TMEM132C: variants seen among roughly 807,000 people sequenced by gnomAD.
TMEM132C encodes transmembrane protein 132C.
Under a neutral mutation model 61.4 loss-of-function variants are expected in TMEM132C, and 29 were observed. The ratio of observed to expected loss-of-function variants is 0.47; its 90% confidence interval spans 0.35 to 0.64. TMEM132C has a LOEUF of 0.64. Among genes scored for constraint, TMEM132C ranks in the 30% least tolerant of loss-of-function variants. The probability of loss-of-function intolerance (pLI) is 0.00; values close to 1 mark genes in which losing one functional copy is unlikely to be tolerated. For missense variants in TMEM132C, 1,408 were observed against 1,476.9 expected, an observed-to-expected ratio of 0.95 and a Z score of 0.76; for synonymous variants, 656 against 633.1, an observed-to-expected ratio of 1.04 and a Z score of -0.54.
At chr12:128,284,594 A>C (rs556264399) in intron 1 of TMEM132C, among the ~76,000 whole-genome samples, 4 of 152,328 alleles carry the variant, frequency 2.6e-5, no homozygotes, top group Admixed American at 1.3e-4. Flanking sequence ...TCCTGTAAGA[A>C]ATAATGGTGA....
At chr12:128,476,046 T>C (rs10847626) in intron 2 of TMEM132C, among the ~76,000 whole-genome samples, 39,813 of 152,114 alleles carry the variant, frequency 0.26, 7,060 homozygotes, top group African/African-American at 0.5. Context: ...TTCTGGGCCC[T>C]AGGACGTGAG....
At chr12:128,647,470 G>A (rs1179657321) in intron 4 of TMEM132C, among the ~76,000 whole-genome samples, 1 of 151,370 alleles carries the variant, frequency 6.6e-6, no homozygotes, top group East Asian at 2.0e-4. Flanking sequence ...GAGTCCATCA[G>A]CATTGGATAT....
At chr12:128,567,474 AC>A (rs1426795168) in intron 3 of TMEM132C, among the ~76,000 whole-genome samples, 2 of 146,726 alleles carry the variant, frequency 1.4e-5, no homozygotes, top group East Asian at 2.0e-4. Flanking sequence ...ACACACACAC[AC>A]AACTGGTAAC....
chr12:128,578,868 G>A (rs1875224449), intron 3 of TMEM132C, among the ~76,000 whole-genome samples: 1 of 152,160 alleles, frequency 6.6e-6, no homozygotes, highest in Non-Finnish European at 1.5e-5. Flanking sequence ...AAAGTGCTGG[G>A]ATTAGAGGCG....
intron 2 of TMEM132C, among the ~76,000 whole-genome samples, chr12:128,534,503 A>G (rs1253055445): frequency 6.6e-6 from 1 of 152,230 alleles, no homozygotes; most frequent in Non-Finnish European, 1.5e-5. Flanking sequence ...GAAGAAAGAA[A>G]AGCACACCTG....
rs566969465 is a variant in TMEM132C at position 128,463,019 on chromosome 12, G to A, written c.974+47399G>A. Among the ~76,000 whole-genome samples the A allele has an allele frequency of 8.5e-5, 13 of 152,298 alleles. No homozygotes were observed. The East Asian group carries it at 2.3e-3, about 27-fold the overall frequency. On this transcript the variant is annotated intron_variant, in intron 2 of 8. Coordinates refer to ENST00000435159, the MANE Select transcript of TMEM132C (RefSeq NM_001136103.3). ...TGCACTTGGTGTCTGGCTCGTGGCT[G>A]CAGACGGCTGCTACAGACTCCAAGC...
intron 1 of TMEM132C, among the ~76,000 whole-genome samples, chr12:128,378,576 G>A (rs1343199758): frequency 6.6e-6 from 1 of 152,148 alleles, no homozygotes; most frequent in African/African-American, 2.4e-5. Flanking sequence ...AGCACTAATT[G>A]GCACTTTTAC....
intron 1 of TMEM132C, among the ~76,000 whole-genome samples, chr12:128,298,785 A>C (rs759902980): frequency 1.3e-5 from 2 of 152,156 alleles, no homozygotes; most frequent in Non-Finnish European, 2.9e-5. Flanking sequence ...TCTTTGGGGG[A>C]ATGTTTTTCC....
chr12:128,635,637 C>T (rs910876714), intron 4 of TMEM132C, among the ~76,000 whole-genome samples: 2 of 152,120 alleles, frequency 1.3e-5, no homozygotes, highest in African/African-American at 2.4e-5. Flanking sequence ...ACATGAGCCC[C>T]TGAAACAGAT....
intron 2 of TMEM132C, among the ~76,000 whole-genome samples, chr12:128,528,899 T>A (rs926400900): frequency 6.6e-6 from 1 of 152,132 alleles, no homozygotes; most frequent in Non-Finnish European, 1.5e-5. Flanking sequence ...GACAGACAGA[T>A]TTCCCTGCTC....
rs530002665 is a variant in TMEM132C, at chr12:128,703,361, A to G, written c.2122-1729A>G. On this transcript the variant is annotated intron_variant, in intron 8 of 8. Coordinates refer to ENST00000435159, the MANE Select transcript of TMEM132C (RefSeq NM_001136103.3). ...CCCCTCTATCTGTCCATGTGTTCTC[A>G]TCATTTAGCTCCCACTTAGAAGTGA... Among the ~76,000 whole-genome samples the G allele has an allele frequency of 5.3e-5, 8 of 152,224 alleles. 1 individual carries two copies. In the South Asian group the frequency reaches 1.7e-3, roughly 32 times the overall value.
intron 1 of TMEM132C, among the ~76,000 whole-genome samples, chr12:128,411,801 C>T (rs1424053273): frequency 6.6e-6 from 1 of 152,176 alleles, no homozygotes; most frequent in Non-Finnish European, 1.5e-5. Flanking sequence ...ATTTCTTTAT[C>T]TGAATATATA....
At position 128,664,754 on chromosome 12, in the gene TMEM132C, G is replaced by A. The variant is rs143724042; in HGVS notation, c.1306-4663G>A. ...CTAAGCAGCAGCATAAAGGGAAGCG[G>A]CATCCACCGCCAGCCAGCCATGCAC... On this transcript the variant is annotated intron_variant, in intron 4 of 8. Coordinates refer to ENST00000435159, the MANE Select transcript of TMEM132C (RefSeq NM_001136103.3). 6.9e-3 allele frequency among the ~76,000 whole-genome samples: 1,049 copies of A among 152,360 alleles called. 9 individuals are homozygous for A. Among genetic ancestry groups the A allele is most frequent in the Middle Eastern group, 0.02 (6 of 294 alleles).
chr12:128,615,710 GCTGTGCAGC>G (rs1325695609), intron 3 of TMEM132C, among the ~76,000 whole-genome samples: 1 of 152,170 alleles, frequency 6.6e-6, no homozygotes, highest in Admixed American at 6.5e-5. Flanking sequence ...CTCACCTCCT[GCTGTGCAGC>G]CCTATTCCTA....
At chr12:128,427,828 T>C (rs2136035023) in intron 2 of TMEM132C, among the ~76,000 whole-genome samples, 2 of 152,350 alleles carry the variant, frequency 1.3e-5, no homozygotes, top group South Asian at 4.1e-4. Context: ...CCAGTGCCCA[T>C]TGTCATTTTG....
At chr12:128,411,450 G>A (rs1208974434) in intron 1 of TMEM132C, among the ~76,000 whole-genome samples, 1 of 152,092 alleles carries the variant, frequency 6.6e-6, no homozygotes, top group Non-Finnish European at 1.5e-5. Context: ...TTCATTTAAT[G>A]GCTTACAATC....
intron 4 of TMEM132C, among the ~76,000 whole-genome samples, chr12:128,653,400 C>A (rs1388837629): frequency 6.6e-6 from 1 of 152,188 alleles, no homozygotes; most frequent in East Asian, 1.9e-4. Context: ...GGTGTTTGAA[C>A]TAAATCTCAA....
rs1953975830 is a variant in TMEM132C, at chr12:128,622,363, ATATATAT to A, written c.1305+6029_1305+6035del. Among the ~76,000 whole-genome samples, 384 of 56,714 alleles carry A rather than the reference ATATATAT, an allele frequency of 6.8e-3. 26 individuals are homozygous for A. Among genetic ancestry groups the A allele is most frequent in the African/African-American group, 0.028 (314 of 11,380 alleles). 37.2% of individuals were successfully genotyped at this position (56,714 alleles called of 152,430 possible). A position where few individuals can be genotyped will look rare whatever the true frequency, so the allele number is the denominator to read the frequency against. On this transcript the variant is annotated intron_variant, in intron 4 of 8. Transcript: ENST00000435159. Reference sequence around the variant, plus strand: ...TGTCTCAAAAAAAAAAAAAAAAAATATATATATATATATATATATATATATATATATA... The same window carrying A: ...TGTCTCAAAAAAAAAAAAAAAAAATAATATATATATATATATATATATATA...
intron 1 of TMEM132C, among the ~76,000 whole-genome samples, chr12:128,403,461 C>T (rs1875236608): frequency 7.6e-6 from 1 of 132,234 alleles, no homozygotes; most frequent in African/African-American, 2.7e-5. Flanking sequence ...AGACATCACC[C>T]AATTTTTTTT....
Sources: allele counts gnomAD v4.1 joint callset (sites outside exome capture counted in the v4.1 genomes callset), GRCh38; gene constraint gnomAD v4.1.1; transcripts MANE v1.5; gene names NCBI Gene and HGNC (gene_info 2026-07-23, HGNC 2026-07-21).